CFAP46: variants seen among roughly 807,000 people sequenced by gnomAD.
CFAP46 encodes the protein cilia and flagella associated protein 46.
In CFAP46, 245 loss-of-function variants were observed where a neutral mutation model predicts 325.7. That is an observed-to-expected ratio of 0.75 (90% confidence interval 0.68 to 0.84). The LOEUF is 0.84. Among genes scored for constraint, CFAP46 ranks in the 40% least tolerant of loss-of-function variants. CFAP46 has a pLI of 0.00. For missense variants in CFAP46, 3,346 were observed against 3,543.0 expected (o/e 0.94, Z 1.41); for synonymous variants, 1,523 against 1,495.9 (o/e 1.02, Z -0.42).
In CFAP46 at chr10:132,867,373, A is replaced by G; in HGVS notation, c.4743+2T>C. On this transcript the variant is annotated splice_donor_variant, in intron 34 of 57. Coordinates refer to ENST00000368586, the MANE Select transcript of CFAP46 (RefSeq NM_001200049.3). LOFTEE classifies it high-confidence loss of function. ...CAGAGGGATTCTGGACGGTGAGGTTACCTTGTCCTTGGCGTCCAGTGGTTT... is the reference window on the plus strand; with the variant it reads ...CAGAGGGATTCTGGACGGTGAGGTTGCCTTGTCCTTGGCGTCCAGTGGTTT... 2 of 1,549,514 alleles carry G rather than the reference A, an allele frequency of 1.3e-6. No individual in the cohort carries two copies. Among genetic ancestry groups the G allele is most frequent in the Non-Finnish European group, 8.7e-7 (1 of 1,146,792 alleles).
At chr10:132,880,386 TG>T (rs925040099) in intron 28 of CFAP46, among the ~76,000 whole-genome samples, 1 of 152,090 alleles carries the variant, frequency 6.6e-6, no homozygotes, top group Non-Finnish European at 1.5e-5. Flanking sequence ...AGGGGCTGGG[TG>T]GCCAAGGGCC....
chr10:132,925,065 C>A (rs1377940740), intron 10 of CFAP46, among the ~76,000 whole-genome samples, 179 bp from the exon 11 acceptor site: 1 of 152,206 alleles, frequency 6.6e-6, no homozygotes, highest in African/African-American at 2.4e-5. Context: ...AGGAAGTGGA[C>A]GTCTCACAAG....
Position 132,867,551 on chromosome 10 carries a change from C to T in CFAP46, c.4611-44G>A, listed in dbSNP as rs114122482. ...ACAATACGCAAGAGCCACATGGCCA[C>T]GAAAATGTCCCTTCACGAGTAACCA... is the stretch of plus-strand genomic sequence containing the variant. On this transcript the variant is annotated intron_variant, in intron 33 of 57. Coordinates refer to ENST00000368586, the MANE Select transcript of CFAP46 (RefSeq NM_001200049.3). The T allele has an allele frequency of 1.8e-3, 2,796 of 1,538,610 alleles. 44 individuals are homozygous for T. In the African/African-American group the frequency reaches 0.03, roughly 17 times the overall value.
Position 132,869,512 on chromosome 10 carries a change from G to C in CFAP46, c.4512-140C>G. 3.5e-6 allele frequency: 2 copies of C among 567,968 alleles called. No homozygotes were observed. The highest frequency in any genetic ancestry group is 5.7e-6 in the Non-Finnish European group (2 of 352,068). 35.2% of individuals were successfully genotyped at this position (567,968 alleles called of 1,614,324 possible). A position where few individuals can be genotyped will look rare whatever the true frequency, so the allele number is the denominator to read the frequency against. On this transcript the variant is annotated intron_variant, in intron 32 of 57. Transcript: ENST00000368586. This position sits in a 1 kb window ranked among gnomAD's most constrained non-coding sequence, Gnocchi z 6.2. ...GATGGTATTTTCAATCATTTTTAAA[G>C]GTAAGCGAAATTACTAGGGAAAAGT...
In CFAP46 at chr10:132,884,715, C is replaced by T. The variant is rs1007482914; in HGVS notation, c.3627+388G>A. 6.6e-6 allele frequency among the ~76,000 whole-genome samples: 1 copy of T among 152,122 alleles called. No individual in the cohort carries two copies. On this transcript the variant is annotated intron_variant, in intron 27 of 57. Transcript: ENST00000368586. This position sits in a 1 kb window ranked among gnomAD's most constrained non-coding sequence, Gnocchi z 5.4. Reference sequence around the variant, plus strand: ...TCCCAGGGCCCTGCAGAGCCCTGCTCTCCTGTGCAGCCACCCGCCCATCGG... The same window carrying T: ...TCCCAGGGCCCTGCAGAGCCCTGCTTTCCTGTGCAGCCACCCGCCCATCGG...
intron 22 of CFAP46, among the ~76,000 whole-genome samples, chr10:132,907,132 G>A (rs532178570): frequency 1.9e-4 from 29 of 152,396 alleles, no homozygotes; most frequent in African/African-American, 6.5e-4. Context: ...GGCCTGGGGC[G>A]CTCCTTGCCT....
intron 50 of CFAP46, among the ~76,000 whole-genome samples, chr10:132,816,409 G>A (rs1370293777): frequency 1.4e-5 from 2 of 145,556 alleles, no homozygotes; most frequent in Non-Finnish European, 3.0e-5. Context: ...TCGGCTCACT[G>A]CAAGCTCCAC....
chr10:132,875,591 G>A (rs1848946928), intron 31 of CFAP46, among the ~76,000 whole-genome samples: 1 of 152,200 alleles, frequency 6.6e-6, no homozygotes, highest in Admixed American at 6.5e-5. Context: ...GTGGGCAACT[G>A]CTCATGCCCA....
At chr10:132,810,047 G>A (rs1565029860) in intron 57 of CFAP46, among the ~76,000 whole-genome samples, 1 of 152,218 alleles carries the variant, frequency 6.6e-6, no homozygotes, top group Non-Finnish European at 1.5e-5. Context: ...AGGCACAGCT[G>A]CCACCTGGAT....
At chr10:132,883,090 C>T (rs1849072003) in intron 27 of CFAP46, among the ~76,000 whole-genome samples, 1 of 152,160 alleles carries the variant, frequency 6.6e-6, no homozygotes, top group Non-Finnish European at 1.5e-5. Flanking sequence ...ATGCCAGAAA[C>T]ACAAGCAACA....
chr10:132,814,600 G>A lies in CFAP46; in HGVS notation c.7262C>T (p.Pro2421Leu), dbSNP rs370801595. 27 of 1,573,746 alleles carry A rather than the reference G, an allele frequency of 1.7e-5. No homozygotes were observed. The highest frequency in any genetic ancestry group is 2.2e-5 in the Non-Finnish European group (26 of 1,160,234). The change falls in exon 53 of 58, where the codon CCA (proline) becomes CTA (leucine). Residue 2421 changes from proline (P) to leucine (L), a missense_variant. Coordinates refer to ENST00000368586, the MANE Select transcript of CFAP46 (RefSeq NM_001200049.3). ...DSDNFKFVVD[P>L]YEEAQGPEML... ...ACCTGGGCCCTGGGCCTCCTCGTAT[G>A]GGTCCACGACGACTGGGTCCCGGTC...
intron 50 of CFAP46, among the ~76,000 whole-genome samples, chr10:132,824,722 G>GT (rs1848000696): frequency 1.2e-5 from 1 of 83,122 alleles, no homozygotes; most frequent in Non-Finnish European, 2.3e-5. Flanking sequence ...TGTGTGTACT[G>GT]ATGTGTGCTG....
At chr10:132,885,757 A>G (rs1591071838) in intron 26 of CFAP46, 64 bp downstream of exon 26, 9 of 1,373,390 alleles carry the variant, frequency 6.6e-6, no homozygotes, top group South Asian at 1.3e-5. Context: ...GAGCACTCAC[A>G]GGCGGTGGGG....
intron 35 of CFAP46, among the ~76,000 whole-genome samples, chr10:132,863,307 C>T (rs921801235): frequency 9.2e-5 from 14 of 152,110 alleles, no homozygotes; most frequent in African/African-American, 1.4e-4. Context: ...ACTCTTGCCC[C>T]GGGAGCTCCC....
intron 45 of CFAP46, 33 bp downstream of exon 45, chr10:132,836,784 G>A (rs756614577): frequency 3.2e-6 from 5 of 1,570,552 alleles, no homozygotes; most frequent in Non-Finnish European, 4.4e-6. Flanking sequence ...TCAGCGGGCT[G>A]GGGGCGGCCT....
At chr10:132,863,778 G>C (rs1848758540) in intron 35 of CFAP46, among the ~76,000 whole-genome samples, 2 of 130,574 alleles carry the variant, frequency 1.5e-5, no homozygotes, top group Admixed American at 8.2e-5. Context: ...CCTGAGACCT[G>C]CACACACCTG....
At chr10:132,848,670 G>A (rs1232600757) in intron 41 of CFAP46, among the ~76,000 whole-genome samples, 1 of 152,238 alleles carries the variant, frequency 6.6e-6, no homozygotes, top group Non-Finnish European at 1.5e-5. Flanking sequence ...CACAAGAACA[G>A]CGAAAGAGAC....
chr10:132,936,713 C>T (rs1359194873), intron 7 of CFAP46, among the ~76,000 whole-genome samples: 3 of 152,258 alleles, frequency 2.0e-5, no homozygotes, highest in African/African-American at 4.8e-5. Context: ...CTTAAAGCCG[C>T]CCTCTCCCTT....
chr10:132,870,005 G>A (rs1298782422), intron 32 of CFAP46, among the ~76,000 whole-genome samples: 2 of 152,152 alleles, frequency 1.3e-5, no homozygotes, highest in Non-Finnish European at 2.9e-5. Flanking sequence ...CAAGTCCATC[G>A]GCGCCATTTT....
Sources: gnomAD v4.1 joint callset for allele counts (sites outside exome capture counted in the v4.1 genomes callset) on GRCh38, gnomAD v4.1.1 for gene constraint, Gnocchi (gnomAD v3.1) non-coding constraint, MANE v1.5 for transcripts, NCBI Gene and HGNC (gene_info 2026-07-23, HGNC 2026-07-21) for gene names.